The following TFEC variants were observed in gnomAD, a reference collection of about 807,000 sequenced individuals.
TFEC encodes the protein transcription factor EC.
TFEC carries 31 observed loss-of-function variants against 41.6 expected under a neutral mutation model. That is an observed-to-expected ratio of 0.74 (90% CI 0.56 to 1.01). The LOEUF (loss-of-function observed/expected upper bound fraction) is 1.01, where lower values mean the gene tolerates loss of function less well. Ranked by LOEUF, TFEC falls within the 50% of genes least tolerant of loss-of-function variation. The pLI is 0.00. For synonymous variants in TFEC, 143 were observed against 140.6 expected (o/e 1.02, Z -0.12); for missense variants, 402 against 404.1 (o/e 0.99, Z 0.04).
intron 1 of TFEC, among the ~76,000 whole-genome samples, chr7:116,159,384 AATT>A (rs1254813436): frequency 1.3e-5 from 2 of 151,974 alleles, no homozygotes; most frequent in African/African-American, 4.8e-5. Context: ...TATATATAAT[AATT>A]ATATTTTCAA....
chr7:116,001,168 A>C (rs1358107904), intron 1 of TFEC, among the ~76,000 whole-genome samples: 2 of 152,192 alleles, frequency 1.3e-5, no homozygotes, highest in Admixed American at 6.5e-5. Context: ...AATTCATTTT[A>C]GACAAAGGTG....
intron 3 of TFEC, among the ~76,000 whole-genome samples, chr7:116,051,252 A>C (rs753610986): frequency 6.6e-6 from 1 of 152,344 alleles, no homozygotes; most frequent in Non-Finnish European, 1.5e-5. Context: ...CATATGTAAC[A>C]AACCTGCACG....
intron 3 of TFEC, among the ~76,000 whole-genome samples, chr7:115,973,524 T>C (rs987498545): frequency 6.6e-6 from 1 of 151,852 alleles, no homozygotes; most frequent in Admixed American, 6.6e-5. Context: ...TACACACCCT[T>C]TACAGATAAC....
At chr7:116,103,713 A>G (rs547524276) in intron 3 of TFEC, among the ~76,000 whole-genome samples, 2 of 152,290 alleles carry the variant, frequency 1.3e-5, no homozygotes, top group African/African-American at 4.8e-5. Flanking sequence ...ATTAGTATCT[A>G]TGTCTCCGGA....
At chr7:116,049,250 G>T (rs1181609979) in intron 3 of TFEC, among the ~76,000 whole-genome samples, 2 of 152,082 alleles carry the variant, frequency 1.3e-5, no homozygotes, top group Non-Finnish European at 2.9e-5. Flanking sequence ...CACATGCAGA[G>T]ACACACATAG....
At chr7:115,963,794 C>A (rs1014525829) in intron 3 of TFEC, among the ~76,000 whole-genome samples, 2 of 151,524 alleles carry the variant, frequency 1.3e-5, no homozygotes, top group African/African-American at 4.8e-5. Context: ...TTAATGAGTA[C>A]AGAGTTTTTG....
chr7:115,977,537 C>A (rs1793438780), intron 2 of TFEC, among the ~76,000 whole-genome samples: 1 of 151,680 alleles, frequency 6.6e-6, no homozygotes, highest in Non-Finnish European at 1.5e-5. Context: ...AAATTAAATT[C>A]TTTTTGGATA....
chr7:116,084,493 T>C (rs1324992251), intron 3 of TFEC, among the ~76,000 whole-genome samples: 1 of 151,896 alleles, frequency 6.6e-6, no homozygotes, highest in Non-Finnish European at 1.5e-5. Context: ...AATGACTTTT[T>C]CCACATTTGT....
intron 1 of TFEC, among the ~76,000 whole-genome samples, chr7:116,158,682 A>G (rs1384280427): frequency 1.3e-5 from 2 of 152,148 alleles, no homozygotes; most frequent in African/African-American, 4.8e-5. Flanking sequence ...TGCTTAAAGT[A>G]CATAATAATG....
At position 115,936,298 on chromosome 7, in the gene TFEC, G is replaced by A. The variant is rs1375311771; in HGVS notation, c.*4253C>T. On this transcript the variant is annotated 3_prime_UTR_variant, in exon 8 of 8. Coordinates refer to ENST00000265440, the MANE Select transcript of TFEC (RefSeq NM_012252.4). ...AAACTGACATACTTATCAACATATA[G>A]GGCACTGGAGGGATAAATGATGTAA... 1 of 151,518 alleles carries A rather than the reference G, an allele frequency of 6.6e-6. No individual in the cohort carries two copies. The highest frequency in any genetic ancestry group is 2.4e-5 in the African/African-American group (1 of 41,380). The allele number at this position is 151,518 out of a possible 1,614,324, so 9.4% of individuals were successfully genotyped here.
At chr7:115,990,328 C>T (rs1794050245) in intron 1 of TFEC, among the ~76,000 whole-genome samples, 1 of 152,138 alleles carries the variant, frequency 6.6e-6, no homozygotes, top group Non-Finnish European at 1.5e-5. Context: ...TCTTCTCCAC[C>T]AAAGGAGCGC....
chr7:115,960,481 C>T (rs531237137), intron 3 of TFEC, among the ~76,000 whole-genome samples: 2 of 151,370 alleles, frequency 1.3e-5, no homozygotes, highest in Non-Finnish European at 3.0e-5. Flanking sequence ...AAAGTGATTG[C>T]GGAATAAATA....
chr7:116,043,560 C>T (rs1224350098), intron 3 of TFEC, among the ~76,000 whole-genome samples: 4 of 152,098 alleles, frequency 2.6e-5, no homozygotes, highest in Non-Finnish European at 5.9e-5. Flanking sequence ...GCTAAGTGAG[C>T]TATGATCAAA....
chr7:116,083,950 A>C (rs1223295755), intron 3 of TFEC, among the ~76,000 whole-genome samples: 1 of 151,958 alleles, frequency 6.6e-6, no homozygotes, highest in Non-Finnish European at 1.5e-5. Flanking sequence ...TGAAAGAAAT[A>C]GGGCAAAGAA....
intron 1 of TFEC, among the ~76,000 whole-genome samples, chr7:116,140,351 G>A (rs952279765): frequency 6.6e-6 from 1 of 152,142 alleles, no homozygotes; most frequent in Non-Finnish European, 1.5e-5. Flanking sequence ...TTTAATCTAT[G>A]TGTTCTGTTT....
intron 3 of TFEC, among the ~76,000 whole-genome samples, chr7:116,075,764 ACC>A (rs1796944379): frequency 6.6e-6 from 1 of 151,310 alleles, no homozygotes; most frequent in Non-Finnish European, 1.5e-5. Flanking sequence ...ACCTATACCC[ACC>A]CCCATCTGGT....
At chr7:116,055,829 T>C (rs1375798326) in intron 3 of TFEC, among the ~76,000 whole-genome samples, 2 of 151,972 alleles carry the variant, frequency 1.3e-5, no homozygotes, top group African/African-American at 4.8e-5. Flanking sequence ...GAACCAGATA[T>C]TTCTATTATT....
intron 1 of TFEC, among the ~76,000 whole-genome samples, chr7:116,118,626 C>A (rs1798043551): frequency 6.6e-6 from 1 of 151,786 alleles, no homozygotes; most frequent in Admixed American, 6.6e-5. Context: ...TGAGGTATAT[C>A]TAAAGAATTT....
At chr7:115,990,113 G>A (rs192330421) in intron 1 of TFEC, among the ~76,000 whole-genome samples, 218 of 152,260 alleles carry the variant, frequency 1.4e-3, no homozygotes, top group African/African-American at 4.8e-3. Context: ...CAAGGAAAAC[G>A]GTGTCTGGAG....
Sources: allele counts gnomAD v4.1 joint callset (sites outside exome capture counted in the v4.1 genomes callset), GRCh38; gene constraint gnomAD v4.1.1; transcripts MANE v1.5; gene names NCBI Gene and HGNC (gene_info 2026-07-23, HGNC 2026-07-21).